Variants in LIPC observed in about 807,000 individuals in gnomAD.
LIPC encodes lipase C, hepatic type.
LIPC carries 44 observed loss-of-function variants against 50.7 expected under a neutral mutation model. That is an observed-to-expected ratio of 0.87 (90% CI 0.68 to 1.11). The LOEUF is 1.11. Ranked by LOEUF, LIPC falls within the 50% of genes most tolerant of loss-of-function variation. The pLI, the probability that LIPC is intolerant of heterozygous loss-of-function variation, is 0.00. For synonymous variants in LIPC, 271 were observed against 256.4 expected, an observed-to-expected ratio of 1.06 and a Z score of -0.54; for missense variants, 697 against 648.2, an observed-to-expected ratio of 1.08 and a Z score of -0.82.
intron 1 of LIPC, among the ~76,000 whole-genome samples, chr15:58,491,399 T>C (rs190051891): frequency 1.0e-3 from 152 of 152,340 alleles, no homozygotes; most frequent in African/African-American, 3.4e-3. Context: ...TTTCCTGGCC[T>C]GTAGAGTGGG....
chr15:58,525,812 T>C (rs1320734979), intron 1 of LIPC, among the ~76,000 whole-genome samples: 2 of 152,244 alleles, frequency 1.3e-5, no homozygotes, highest in Non-Finnish European at 2.9e-5. Flanking sequence ...GATCTGTTAC[T>C]GATCAGGTGC....
rs763115101 is a variant in LIPC at position 58,542,517 on chromosome 15, C to A, written c.457-17C>A. On this transcript the variant is annotated splice_polypyrimidine_tract_variant and intron_variant, in intron 3 of 8. Transcript: ENST00000299022. ...AGGCAGCTCTTCTCCTGCCCCCATCCCGCTGCTGTCTTCCAGGAATCTGTG... is the reference window on the plus strand; with the variant it reads ...AGGCAGCTCTTCTCCTGCCCCCATCACGCTGCTGTCTTCCAGGAATCTGTG... 1.3e-6 allele frequency: 2 copies of A among 1,538,280 alleles called. No individual in the cohort carries two copies. The highest frequency in any genetic ancestry group is 3.3e-5 in the Admixed American group (2 of 59,932).
At chr15:58,466,926 T>C (rs1327521891) in intron 1 of LIPC, among the ~76,000 whole-genome samples, 1 of 146,710 alleles carries the variant, frequency 6.8e-6, no homozygotes, top group Non-Finnish European at 1.5e-5. Flanking sequence ...TTTATTCTAA[T>C]TGAATAATTC....
chr15:58,487,922 GTAGCCA>G (rs1313307251), intron 1 of LIPC, among the ~76,000 whole-genome samples: 2 of 152,168 alleles, frequency 1.3e-5, no homozygotes, highest in Non-Finnish European at 2.9e-5. Flanking sequence ...CAGCCACTAA[GTAGCCA>G]TATGGCCTGG....
intron 1 of LIPC, among the ~76,000 whole-genome samples, chr15:58,502,456 T>G (rs1219481775): frequency 6.6e-6 from 1 of 151,764 alleles, no homozygotes; most frequent in African/African-American, 2.4e-5. Flanking sequence ...CCTACTTAGC[T>G]CCTACCGTTG....
intron 4 of LIPC, among the ~76,000 whole-genome samples, chr15:58,545,156 A>C (rs1893477837): frequency 1.3e-5 from 2 of 152,230 alleles, no homozygotes; most frequent in African/African-American, 4.8e-5. Flanking sequence ...TTTGTATGCA[A>C]ACAGATGGTC....
At chr15:58,542,089 C>T (rs1300660056) in intron 3 of LIPC, 122 bp downstream of exon 3, 7 of 1,170,204 alleles carry the variant, frequency 6.0e-6, no homozygotes, top group Admixed American at 2.0e-5. Context: ...GCTCAGCTCA[C>T]AGGAATGAGA....
intron 1 of LIPC, among the ~76,000 whole-genome samples, chr15:58,480,849 C>T (rs1341767112): frequency 6.6e-6 from 1 of 152,242 alleles, no homozygotes; most frequent in South Asian, 2.1e-4. Flanking sequence ...GAACTTGGGA[C>T]TCATGGCCTT....
chr15:58,508,175 A>G (rs8028765), intron 1 of LIPC, among the ~76,000 whole-genome samples: 1,964 of 152,074 alleles, frequency 0.013, 42 homozygotes, highest in African/African-American at 0.046. Flanking sequence ...ATAAGGGATG[A>G]AGAGAACAAC....
At chr15:58,464,994 A>T (rs1258156105) in intron 1 of LIPC, among the ~76,000 whole-genome samples, 5 of 151,360 alleles carry the variant, frequency 3.3e-5, no homozygotes, top group African/African-American at 1.2e-4. Flanking sequence ...GCGAGGGGGG[A>T]GCCCACCACA....
At chr15:58,548,699 T>C in intron 6 of LIPC, 127 bp downstream of exon 6, 2 of 1,303,464 alleles carry the variant, frequency 1.5e-6, no homozygotes, top group Non-Finnish European at 2.1e-6. Flanking sequence ...TCTGAAACTG[T>C]GCAGGCTCCA....
chr15:58,555,282 G>A (rs553171680), intron 6 of LIPC, among the ~76,000 whole-genome samples: 3 of 152,180 alleles, frequency 2.0e-5, no homozygotes, highest in Non-Finnish European at 4.4e-5. Context: ...CCCCGGCTCA[G>A]GGGCCAGACG....
intron 1 of LIPC, among the ~76,000 whole-genome samples, chr15:58,509,027 A>G (rs1451425453): frequency 6.6e-6 from 1 of 152,216 alleles, no homozygotes. Flanking sequence ...AAGAACTGCT[A>G]AAGGAATGAA....
At chr15:58,568,518 T>A (rs1285897963) in intron 8 of LIPC, among the ~76,000 whole-genome samples, 198 bp from the exon 9 acceptor site, 1 of 152,168 alleles carries the variant, frequency 6.6e-6, no homozygotes, top group Non-Finnish European at 1.5e-5. Flanking sequence ...CTCCAGGAAG[T>A]CTTACACTGA....
intron 1 of LIPC, among the ~76,000 whole-genome samples, chr15:58,536,921 G>A (rs891235875): frequency 2.0e-5 from 3 of 152,138 alleles, no homozygotes; most frequent in Admixed American, 6.5e-5. Context: ...TCATCTCTTG[G>A]TCCTGCTGTC....
intron 1 of LIPC, among the ~76,000 whole-genome samples, chr15:58,518,121 T>C (rs1892538907): frequency 6.6e-6 from 1 of 152,226 alleles, no homozygotes; most frequent in African/African-American, 2.4e-5. Flanking sequence ...TGTGAGAGGC[T>C]GTCCTGTGCA....
chr15:58,458,792 C>T (rs1894227539), intron 1 of LIPC, among the ~76,000 whole-genome samples: 1 of 152,170 alleles, frequency 6.6e-6, no homozygotes, highest in South Asian at 2.1e-4. Flanking sequence ...CATTCCTGTC[C>T]CTTGTCCTTG....
chr15:58,449,146 C>T (rs1212479329), intron 1 of LIPC, among the ~76,000 whole-genome samples: 1 of 152,222 alleles, frequency 6.6e-6, no homozygotes, highest in African/African-American at 2.4e-5. Context: ...CTTTGTCCTT[C>T]CTAGATGGCT....
At chr15:58,453,996 T>C (rs1894015218) in intron 1 of LIPC, among the ~76,000 whole-genome samples, 1 of 152,224 alleles carries the variant, frequency 6.6e-6, no homozygotes, top group African/African-American at 2.4e-5. Context: ...ATACATTATC[T>C]CAGTTGACCC....
Sources: allele counts gnomAD v4.1 joint callset (sites outside exome capture counted in the v4.1 genomes callset), GRCh38; gene constraint gnomAD v4.1.1; transcripts MANE v1.5; gene names NCBI Gene and HGNC (gene_info 2026-07-23, HGNC 2026-07-21).